GRID2: variants seen among roughly 807,000 people sequenced by gnomAD.
GRID2 encodes the protein glutamate ionotropic receptor delta type subunit 2.
A neutral mutation model predicts 114.8 loss-of-function variants in GRID2; 33 were observed. The observed-to-expected ratio is 0.29, with a 90% CI of 0.22 to 0.38. The LOEUF is 0.38. GRID2 is among the 10% of genes least tolerant of loss of function. The pLI is 1.00. For synonymous variants in GRID2, 505 were observed against 449.9 expected (o/e 1.12, Z -1.55); for missense variants, 1,184 against 1,257.7 (o/e 0.94, Z 0.89).
chr4:92,829,752 A>G (rs1261833356), intron 2 of GRID2, among the ~76,000 whole-genome samples: 4 of 152,180 alleles, frequency 2.6e-5, no homozygotes, highest in African/African-American at 9.6e-5. Context: ...CTATGCAGGC[A>G]TAAGAAAGAA....
At chr4:93,336,970 T>G (rs17020463) in intron 8 of GRID2, among the ~76,000 whole-genome samples, 38,310 of 151,922 alleles carry the variant, frequency 0.25, 8,076 homozygotes, top group African/African-American at 0.58. Flanking sequence ...CATCCAAAAA[T>G]TATTGAAGCA....
At chr4:93,032,346 G>A (rs1724515741) in intron 2 of GRID2, among the ~76,000 whole-genome samples, 1 of 152,058 alleles carries the variant, frequency 6.6e-6, no homozygotes, top group African/African-American at 2.4e-5. Flanking sequence ...GTTTATTTTG[G>A]GCAGGATCAC....
chr4:93,115,218 T>C (rs1443337146), intron 4 of GRID2, among the ~76,000 whole-genome samples: 1 of 152,092 alleles, frequency 6.6e-6, no homozygotes, highest in Admixed American at 6.6e-5. Context: ...GTTATTCTTT[T>C]CAGAAGTATT....
chr4:92,363,708 GAA>G (rs1378653424), intron 1 of GRID2, among the ~76,000 whole-genome samples: 1 of 151,658 alleles, frequency 6.6e-6, no homozygotes, highest in Non-Finnish European at 1.5e-5. Context: ...ATATCATATG[GAA>G]AAGGGTTTAG....
At chr4:93,601,442 T>A (rs1160179974) in intron 13 of GRID2, among the ~76,000 whole-genome samples, 2 of 152,220 alleles carry the variant, frequency 1.3e-5, no homozygotes, top group African/African-American at 4.8e-5. Context: ...TTCCTGGGGT[T>A]TACTCTTTTA....
chr4:93,362,126 G>T (rs1761938605), intron 8 of GRID2, among the ~76,000 whole-genome samples: 1 of 152,030 alleles, frequency 6.6e-6, no homozygotes, highest in South Asian at 2.1e-4. Flanking sequence ...CAATCTTCTA[G>T]TGAAATCTTA....
At chr4:93,033,156 G>A (rs1724591672) in intron 2 of GRID2, among the ~76,000 whole-genome samples, 1 of 152,126 alleles carries the variant, frequency 6.6e-6, no homozygotes, top group African/African-American at 2.4e-5. Context: ...AGCAATCTGT[G>A]AAGTTAGAGG....
At chr4:93,792,470 C>T (rs1256267522) in intron 1 of GRID2, among the ~76,000 whole-genome samples, 4 of 152,094 alleles carry the variant, frequency 2.6e-5, no homozygotes. Flanking sequence ...TGAGTTAGGC[C>T]AATGCAAAAT....
intron 1 of GRID2, among the ~76,000 whole-genome samples, chr4:92,460,055 C>CGTATATATAT (rs1553937299): frequency 2.7e-5 from 1 of 37,450 alleles, no homozygotes; most frequent in African/African-American, 8.7e-5. Flanking sequence ...TATATATATA[C>CGTATATATAT]ACACACAACT....
At chr4:92,671,573 C>T (rs1733073040) in intron 2 of GRID2, among the ~76,000 whole-genome samples, 1 of 152,044 alleles carries the variant, frequency 6.6e-6, no homozygotes, top group East Asian at 1.9e-4. Context: ...AGTTTTTCCT[C>T]CTTTGGCCTT....
chr4:92,577,414 G>A (rs574063565), intron 1 of GRID2, among the ~76,000 whole-genome samples: 34 of 152,276 alleles, frequency 2.2e-4, no homozygotes, highest in African/African-American at 7.7e-4. Flanking sequence ...ATGATGGTAG[G>A]ACCGAGGACA....
At position 93,195,898 on chromosome 4, in the gene GRID2, G is replaced by C. The variant is rs142869312; in HGVS notation, c.736-11506G>C. Among the ~76,000 whole-genome samples, 745 of 152,274 alleles carry C rather than the reference G, an allele frequency of 4.9e-3. 5 individuals carry two copies. Among genetic ancestry groups the C allele is most frequent in the African/African-American group, 0.017 (708 of 41,566 alleles). ...AGGTTATGATCACTAAAATATAGCA[G>C]ATGACTTCGAATGTTCTTGCTTTAT... On this transcript the variant is annotated intron_variant, in intron 4 of 15. Coordinates refer to ENST00000282020, the MANE Select transcript of GRID2 (RefSeq NM_001510.4).
At chr4:93,011,400 ATTCAGGCCAT>A (rs1049828623) in intron 2 of GRID2, among the ~76,000 whole-genome samples, 8 of 152,024 alleles carry the variant, frequency 5.3e-5, no homozygotes, top group Non-Finnish European at 1.0e-4. Flanking sequence ...TGATAAAAAA[ATTCAGGCCAT>A]TTCTTCTCCC....
At chr4:92,585,463 A>G (rs12500504) in intron 1 of GRID2, among the ~76,000 whole-genome samples, 57,652 of 151,766 alleles carry the variant, frequency 0.38, 10,957 homozygotes, top group Middle Eastern at 0.46. Context: ...ATCCAACGAA[A>G]TATTTATGCA....
chr4:93,019,190 A>G (rs745465860), intron 2 of GRID2, among the ~76,000 whole-genome samples: 29 of 152,284 alleles, frequency 1.9e-4, no homozygotes, highest in Non-Finnish European at 3.8e-4. Context: ...AAATTATGTC[A>G]GTGTTCCTAC....
rs368743124 is a variant in GRID2 at position 92,487,388 on chromosome 4, T to C, written c.89-102743T>C. Among the ~76,000 whole-genome samples, 337 of 152,146 alleles carry C rather than the reference T, an allele frequency of 2.2e-3. 17 individuals are homozygous for C. The South Asian group carries it at 0.066, about 30-fold the overall frequency. ...TTTTGGGTAGATTCCAATTTCTATC[T>C]GTTATTATACTCGTGCTGAAAAATG... On this transcript the variant is annotated intron_variant, in intron 1 of 15. Transcript: ENST00000282020.
rs544939818 is a variant in GRID2 at position 92,385,247 on chromosome 4, T to C, written c.88+80503T>C. On this transcript the variant is annotated intron_variant, in intron 1 of 15. Coordinates refer to ENST00000282020, the MANE Select transcript of GRID2 (RefSeq NM_001510.4). ...ATATAATTCAAAATTTAGCTATAATTCCAAATTTTGCTCATTTCTAGACAT... is the reference window on the plus strand; with the variant it reads ...ATATAATTCAAAATTTAGCTATAATCCCAAATTTTGCTCATTTCTAGACAT... Among the ~76,000 whole-genome samples, 144 of 151,966 alleles carry C rather than the reference T, an allele frequency of 9.5e-4. No homozygotes were observed. The Middle Eastern group carries it at 0.027, about 29-fold the overall frequency.
Position 93,085,263 on chromosome 4 carries a change from C to G in GRID2, c.513C>G (p.Phe171Leu). ...ATGCCTGGCAGAAATTCATTATATT[C>G]TATGATAGTGAATACGGTAAGTGTT... Reference protein sequence around the residue: ...TEYAWQKFIIFYDSEYDIRGI... With the variant: ...TEYAWQKFIILYDSEYDIRGI... The change falls in exon 3 of 16, where the codon TTC (phenylalanine) becomes TTG (leucine). Residue 171 changes from phenylalanine to leucine, a missense_variant. Around this residue, in one of 3 missense-constraint regions of GRID2, gnomAD observed 455 missense variants for 429.5 expected, o/e 1.06. Coordinates refer to ENST00000282020, the MANE Select transcript of GRID2 (RefSeq NM_001510.4). 1 of 1,610,722 alleles carries G rather than the reference C, an allele frequency of 6.2e-7. No homozygotes were observed. The highest frequency in any genetic ancestry group is 1.1e-5 in the South Asian group (1 of 90,984).
intron 2 of GRID2, among the ~76,000 whole-genome samples, chr4:92,879,726 G>A (rs1389879378): frequency 2.0e-5 from 3 of 152,190 alleles, no homozygotes; most frequent in Admixed American, 6.5e-5. Context: ...GGAAAAATAA[G>A]CTTTAATCAC....
Sources: gnomAD v4.1 joint callset for allele counts (sites outside exome capture counted in the v4.1 genomes callset) on GRCh38, gnomAD v4.1.1 for gene constraint, gnomAD v4.1.1 regional missense constraint, MANE v1.5 for transcripts, NCBI Gene and HGNC (gene_info 2026-07-23, HGNC 2026-07-21) for gene names.